EDA: variants seen among roughly 807,000 people sequenced by gnomAD.
The protein encoded by EDA is ectodysplasin-A.
In EDA, 2 loss-of-function variants were observed where a neutral mutation model predicts 23.6. The ratio of observed to expected loss-of-function variants is 0.08; its 90% CI spans 0.03 to 0.27. The LOEUF is 0.27. Ranked by LOEUF, EDA falls within the 10% of genes least tolerant of loss-of-function variation. EDA has a pLI of 1.00. For synonymous variants in EDA, 131 were observed against 132.0 expected, an observed-to-expected ratio of 0.99 and a Z score of 0.05; for missense variants, 229 against 324.2, an observed-to-expected ratio of 0.71 and a Z score of 2.26.
intron 2 of EDA, among the ~76,000 whole-genome samples, chrX:70,012,177 A>C (rs2147489444): frequency 8.9e-6 from 1 of 112,215 alleles, no homozygotes; most frequent in South Asian, 3.7e-4. Context: ...ATATGGTTAC[A>C]AATAGGGGGA....
At chrX:69,682,912 A>G (rs1934422655) in intron 1 of EDA, among the ~76,000 whole-genome samples, 1 of 111,419 alleles carries the variant, frequency 9.0e-6, no homozygotes, top group Non-Finnish European at 1.9e-5. Flanking sequence ...GTGTTTATCA[A>G]CATGCAATAC....
intron 1 of EDA, among the ~76,000 whole-genome samples, chrX:69,821,921 C>G (rs1427116840): frequency 8.9e-6 from 1 of 111,833 alleles, no homozygotes; most frequent in Admixed American, 9.5e-5. Context: ...CCATCCATCT[C>G]TATAACTTTT....
At chrX:69,884,234 C>T (rs2017794078) in intron 1 of EDA, among the ~76,000 whole-genome samples, 1 of 111,634 alleles carries the variant, frequency 9.0e-6, no homozygotes, top group South Asian at 3.8e-4. Flanking sequence ...GTTTGTATAT[C>T]AGCTTACAAA....
intron 1 of EDA, among the ~76,000 whole-genome samples, chrX:69,731,586 C>G (rs973995474): frequency 3.6e-5 from 4 of 110,613 alleles, no homozygotes; most frequent in Admixed American, 2.9e-4. Context: ...AGATTACAGG[C>G]GCATGCCACT....
At chrX:69,673,409 CA>C in intron 1 of EDA, among the ~76,000 whole-genome samples, 2 of 111,084 alleles carry the variant, frequency 1.8e-5, no homozygotes, top group Admixed American at 1.9e-4. Flanking sequence ...TGGAAACTTC[CA>C]AGGTGTACAG....
At chrX:69,713,398 A>G (rs1324527591) in intron 1 of EDA, among the ~76,000 whole-genome samples, 1 of 111,610 alleles carries the variant, frequency 9.0e-6, no homozygotes, top group Admixed American at 9.6e-5. Context: ...TTGTAGTCGT[A>G]TACAATCTTA....
intron 2 of EDA, among the ~76,000 whole-genome samples, chrX:69,981,217 G>C (rs2019401784): frequency 9.0e-6 from 1 of 111,246 alleles, no homozygotes; most frequent in South Asian, 3.9e-4. Context: ...TAGGACCTTG[G>C]ACATTATTGC....
intron 1 of EDA, among the ~76,000 whole-genome samples, chrX:69,691,040 G>A (rs1226641002): frequency 9.0e-6 from 1 of 111,329 alleles, no homozygotes; most frequent in Non-Finnish European, 1.9e-5. Context: ...TCTAACTAAA[G>A]GTTTGTCAAT....
intron 1 of EDA, among the ~76,000 whole-genome samples, chrX:69,857,515 C>T (rs1191818433): frequency 2.9e-5 from 3 of 102,029 alleles, no homozygotes; most frequent in Non-Finnish European, 6.0e-5. Context: ...GATGTGTTTC[C>T]ATTTTGGCTA....
At chrX:69,954,153 A>T (rs2018966986) in intron 1 of EDA, among the ~76,000 whole-genome samples, 1 of 111,666 alleles carries the variant, frequency 9.0e-6, no homozygotes, top group African/African-American at 3.3e-5. Context: ...TCTGGCTCTT[A>T]CTTAATACTC....
intron 2 of EDA, among the ~76,000 whole-genome samples, chrX:69,975,738 C>CA (rs2019309122): frequency 9.0e-6 from 1 of 111,113 alleles, no homozygotes; most frequent in African/African-American, 3.3e-5. Context: ...GACTTAGTAC[C>CA]AAAAAAGCAA....
chrX:69,698,294 C>T (rs904683992), intron 1 of EDA, among the ~76,000 whole-genome samples: 1 of 111,450 alleles, frequency 9.0e-6, no homozygotes, highest in Non-Finnish European at 1.9e-5. Context: ...CCTGGTGCGA[C>T]GGATCCAGTA....
At chrX:69,659,651 A>G (rs1378420111) in intron 1 of EDA, among the ~76,000 whole-genome samples, 1 of 112,004 alleles carries the variant, frequency 8.9e-6, no homozygotes, top group Non-Finnish European at 1.9e-5. Context: ...ATGCAACCCA[A>G]TTTTACAGTA....
chrX:69,934,367 T>C (rs2018642313), intron 1 of EDA, among the ~76,000 whole-genome samples: 1 of 111,315 alleles, frequency 9.0e-6, no homozygotes, highest in South Asian at 3.8e-4. Context: ...TTTCAATGAA[T>C]TTCTCATATT....
chrX:69,931,078 A>G (rs2018592147), intron 1 of EDA, among the ~76,000 whole-genome samples: 2 of 111,257 alleles, frequency 1.8e-5, no homozygotes, highest in Admixed American at 9.6e-5. Flanking sequence ...TGAAAAAAGA[A>G]CAAAGTTGGA....
intron 1 of EDA, among the ~76,000 whole-genome samples, chrX:69,905,306 C>T (rs2018160453): frequency 1.8e-5 from 2 of 112,036 alleles, no homozygotes; most frequent in Admixed American, 9.5e-5. Flanking sequence ...CCATATTTTT[C>T]CTTCCTTTAC....
chrX:69,838,642 AAAAC>A (rs1316915059), intron 1 of EDA, among the ~76,000 whole-genome samples: 1 of 112,533 alleles, frequency 8.9e-6, no homozygotes, highest in Non-Finnish European at 1.9e-5. Flanking sequence ...AAATAAATAA[AAAAC>A]AAATAAACAT....
chrX:69,910,799 G>T (rs1569370871), intron 1 of EDA, among the ~76,000 whole-genome samples: 1 of 111,056 alleles, frequency 9.0e-6, no homozygotes, highest in Non-Finnish European at 1.9e-5. Context: ...CTATTTCTTT[G>T]TTGAGATTTT....
chrX:69,927,990 A>T (rs947932470), intron 1 of EDA, among the ~76,000 whole-genome samples: 4 of 111,867 alleles, frequency 3.6e-5, no homozygotes, highest in Non-Finnish European at 7.5e-5. Flanking sequence ...ACTAACATTA[A>T]TTGAACATCT....
Sources: allele counts gnomAD v4.1 joint callset (sites outside exome capture counted in the v4.1 genomes callset), GRCh38; gene constraint gnomAD v4.1.1; transcripts MANE v1.5; gene names NCBI Gene and HGNC (gene_info 2026-07-23, HGNC 2026-07-21).